The following CDC27 variants were observed in gnomAD, a reference collection of about 807,000 sequenced individuals.
The protein encoded by CDC27 is cell division cycle 27.
A neutral mutation model predicts 109.7 loss-of-function variants in CDC27; 27 were observed. The ratio of observed to expected loss-of-function variants is 0.25; its 90% CI spans 0.18 to 0.34. The LOEUF (loss-of-function observed/expected upper bound fraction) is 0.34. Ranked by LOEUF, CDC27 falls within the 10% of genes least tolerant of loss-of-function variation. The pLI, the probability that CDC27 is intolerant of heterozygous loss-of-function variation, is 1.00. For synonymous variants in CDC27, 266 were observed against 333.9 expected, an observed-to-expected ratio of 0.80 and a Z score of 2.22; for missense variants, 579 against 960.2, an observed-to-expected ratio of 0.60 and a Z score of 5.25.
intron 2 of CDC27, among the ~76,000 whole-genome samples, chr17:47,178,323 A>G (rs2064093267): frequency 6.6e-6 from 1 of 151,838 alleles, no homozygotes; most frequent in African/African-American, 2.4e-5. Flanking sequence ...ACTGCTTGAG[A>G]CCAGGAGTTT....
intron 4 of CDC27, among the ~76,000 whole-genome samples, chr17:47,162,978 T>C (rs1223551964): frequency 6.6e-6 from 1 of 152,158 alleles, no homozygotes; most frequent in Non-Finnish European, 1.5e-5. Context: ...CCTCTAATTA[T>C]TCAATAGAGA....
At position 47,124,239 on chromosome 17, in the gene CDC27, CA is replaced by C. The variant is rs572568252; in HGVS notation, c.2161-280del. On this transcript the variant is annotated intron_variant, in intron 16 of 18. Transcript: ENST00000066544. ...TCTTCGTGAAATATGCAGGTGGTAA[CA>C]ATCCTTGCTTTTGGTCATCTATCTA... Among the ~76,000 whole-genome samples the C allele has an allele frequency of 1.4e-4, 17 of 120,288 alleles. 1 individual carries two copies. The South Asian group carries it at 4.0e-3, about 28-fold the overall frequency. 78.9% of individuals were successfully genotyped at this position (120,288 alleles called of 152,430 possible). A position where few individuals can be genotyped will look rare whatever the true frequency, so the allele number is the denominator to read the frequency against.
At chr17:47,188,783 T>C (rs2064551461) in intron 1 of CDC27, 2 of 1,144,618 alleles carry the variant, frequency 1.7e-6, no homozygotes, top group Non-Finnish European at 1.1e-6. Flanking sequence ...CAAATGTGCT[T>C]CTCGATCATC....
intron 12 of CDC27, among the ~76,000 whole-genome samples, chr17:47,141,511 G>A (rs1219083665): frequency 6.6e-6 from 1 of 152,088 alleles, no homozygotes; most frequent in Non-Finnish European, 1.5e-5. Context: ...ATTCACCCCA[G>A]TAATTAACTC....
intron 1 of CDC27, 50 bp downstream of exon 1, chr17:47,189,096 T>C (rs1567734923): frequency 1.9e-6 from 3 of 1,599,968 alleles, no homozygotes; most frequent in Non-Finnish European, 2.6e-6. Flanking sequence ...ACGCTGCTGC[T>C]TCCCGACCGA....
At chr17:47,177,848 ATG>A (rs1216603182) in intron 2 of CDC27, among the ~76,000 whole-genome samples, 1 of 139,714 alleles carries the variant, frequency 7.2e-6, no homozygotes, top group East Asian at 2.7e-4. Flanking sequence ...CTTATTTTAT[ATG>A]TGTGTGTACA....
chr17:47,132,235 T>C (rs2062367163), intron 15 of CDC27, 22 bp downstream of exon 15: 10 of 1,052,012 alleles, frequency 9.5e-6, no homozygotes, highest in Non-Finnish European at 1.4e-5. Flanking sequence ...AATAGAGTAT[T>C]AATGTTTAGA....
intron 4 of CDC27, among the ~76,000 whole-genome samples, chr17:47,168,302 T>C (rs924828864): frequency 1.3e-5 from 2 of 152,140 alleles, no homozygotes; most frequent in Non-Finnish European, 2.9e-5. Flanking sequence ...CCAGTCCCCA[T>C]CCTGAAGCTA....
chr17:47,127,041 G>T (rs1415983523), intron 16 of CDC27, among the ~76,000 whole-genome samples: 4 of 152,266 alleles, frequency 2.6e-5, no homozygotes, highest in Admixed American at 1.3e-4. Context: ...TGATCTGGCT[G>T]CCTTGGCCTG....
At chr17:47,168,239 C>T (rs774346446) in intron 4 of CDC27, among the ~76,000 whole-genome samples, 24 of 152,170 alleles carry the variant, frequency 1.6e-4, no homozygotes, top group Non-Finnish European at 2.5e-4. Flanking sequence ...TGGGAGGTTG[C>T]GGGGTGGGGA....
Position 47,181,776 on chromosome 17 carries a change from T to A in CDC27, c.28-139A>T, listed in dbSNP as rs539135956. 4 of 493,740 alleles carry A rather than the reference T, an allele frequency of 8.1e-6. No homozygotes were observed. In the East Asian group the frequency reaches 9.4e-5, roughly 12 times the overall value. 30.6% of individuals were successfully genotyped at this position (493,740 alleles called of 1,614,324 possible). A position where few individuals can be genotyped will look rare whatever the true frequency, so the allele number is the denominator to read the frequency against. ...AAACCCCAATGCCCACAGAGCAAACTCCAGAGTGTGCCGGGCAAGGCTCTT... is the reference window on the plus strand; with the variant it reads ...AAACCCCAATGCCCACAGAGCAAACACCAGAGTGTGCCGGGCAAGGCTCTT... On this transcript the variant is annotated intron_variant, in intron 1 of 18. Transcript: ENST00000066544.
rs2063154497 is a variant in CDC27, at chr17:47,151,660, G to T, written c.1070+146C>A. ...CTCAACTCAAAATTACATTAGTGTT[G>T]TAAGTTAGAGGTTTCAAATTTTACA... On this transcript the variant is annotated intron_variant, in intron 9 of 18. Coordinates refer to ENST00000066544, the MANE Select transcript of CDC27 (RefSeq NM_001256.6). The T allele has an allele frequency of 2.3e-5, 12 of 529,830 alleles. No homozygotes were observed. The South Asian group carries it at 3.7e-4, about 16-fold the overall frequency. 32.8% of individuals were successfully genotyped at this position (529,830 alleles called of 1,614,324 possible).
chr17:47,183,995 C>A (rs141303249), intron 1 of CDC27, among the ~76,000 whole-genome samples: 8 of 152,276 alleles, frequency 5.3e-5, no homozygotes, highest in African/African-American at 9.6e-5. Context: ...ATAATTACCA[C>A]CAAATTACTC....
chr17:47,155,027 A>G (rs1567680290), intron 7 of CDC27, among the ~76,000 whole-genome samples: 2 of 152,210 alleles, frequency 1.3e-5, no homozygotes, highest in Non-Finnish European at 2.9e-5. Flanking sequence ...ATCTCAGGAG[A>G]TTTATTAGAA....
intron 16 of CDC27, among the ~76,000 whole-genome samples, chr17:47,128,460 C>A (rs1003507607): frequency 2.6e-5 from 4 of 152,070 alleles, no homozygotes; most frequent in Non-Finnish European, 4.4e-5. Context: ...TTGTTTCAGG[C>A]TAAGCATACA....
intron 1 of CDC27, among the ~76,000 whole-genome samples, chr17:47,183,797 T>C (rs1379375975): frequency 1.3e-5 from 2 of 152,198 alleles, no homozygotes; most frequent in Non-Finnish European, 2.9e-5. Context: ...AAGCAGGTGC[T>C]TATATGTTGA....
intron 7 of CDC27, 47 bp downstream of exon 7, chr17:47,156,866 G>A (rs749697332): frequency 1.6e-6 from 1 of 629,126 alleles, no homozygotes; most frequent in South Asian, 2.6e-5. Flanking sequence ...GTTATCATAA[G>A]ATCATTTGGT....
chr17:47,184,895 G>A (rs1209114416), intron 1 of CDC27, among the ~76,000 whole-genome samples: 2 of 152,214 alleles, frequency 1.3e-5, no homozygotes, highest in Admixed American at 6.5e-5. Flanking sequence ...GTGCATTACC[G>A]CTAGAGTTCT....
chr17:47,158,240 G>A lies in CDC27; in HGVS notation c.441C>T (p.Phe147=). 2 of 1,581,998 alleles carry A rather than the reference G, an allele frequency of 1.3e-6. No homozygotes were observed. The highest frequency in any genetic ancestry group is 2.3e-5 in the East Asian group (1 of 42,654). The change falls in exon 5 of 19, where the codon TTC becomes TTT. Residue 147 remains phenylalanine (F), a synonymous_variant. Transcript: ENST00000066544. ...CYQKSLSLNP[F]LWSPFESLCE... ...ATAATGATTCAAAGGGAGACCAGAG[G>A]AAAGGATTTAAACTAAGGCTCTTTT...
Sources: allele counts gnomAD v4.1 joint callset (sites outside exome capture counted in the v4.1 genomes callset), GRCh38; gene constraint gnomAD v4.1.1; transcripts MANE v1.5; gene names NCBI Gene and HGNC (gene_info 2026-07-23, HGNC 2026-07-21).